ZBTB8OS: variants seen among roughly 807,000 people sequenced by gnomAD.
ZBTB8OS encodes tRNA-splicing ligase-activating factor archease.
In ZBTB8OS, 16 loss-of-function variants were observed where a neutral mutation model predicts 29.3. The observed-to-expected ratio is 0.55, with a 90% confidence interval of 0.37 to 0.83. ZBTB8OS has a LOEUF of 0.83. ZBTB8OS is among the 40% of genes least tolerant of loss of function. The probability of loss-of-function intolerance (pLI) is 0.00; values close to 1 mark genes in which losing one functional copy is unlikely to be tolerated. For synonymous variants in ZBTB8OS, 70 were observed against 64.6 expected (o/e 1.08, Z -0.40); for missense variants, 160 against 196.9 (o/e 0.81, Z 1.12).
chr1:32,624,851 A>G (rs704882), intron 6 of ZBTB8OS, among the ~76,000 whole-genome samples: 25,241 of 149,246 alleles, frequency 0.17, 4,421 homozygotes, highest in African/African-American at 0.44. Flanking sequence ...CTGAGATTAC[A>G]CCACTGCACT....
intron 6 of ZBTB8OS, among the ~76,000 whole-genome samples, chr1:32,626,979 C>A (rs923462167): frequency 6.6e-6 from 1 of 152,170 alleles, no homozygotes; most frequent in Non-Finnish European, 1.5e-5. Context: ...TGAACTCATT[C>A]ATTTAAGTAT....
intron 4 of ZBTB8OS, among the ~76,000 whole-genome samples, chr1:32,632,966 G>A (rs907183077): frequency 2.0e-5 from 3 of 152,194 alleles, no homozygotes; most frequent in Non-Finnish European, 2.9e-5. Flanking sequence ...TATAAGTAGT[G>A]AAGCTGGTAA....
In ZBTB8OS at chr1:32,631,866, A is replaced by G. The variant is rs1392061275; in HGVS notation, c.341T>C (p.Leu114Pro). The G allele has an allele frequency of 6.3e-7, 1 of 1,588,784 alleles. No homozygotes were observed. The highest frequency in any genetic ancestry group is 1.2e-5 in the South Asian group (1 of 86,166). ...EFFIPREVKV[L>P]SIDQRNFKLR... ...TTTGAAATTTCTTTGATCAATGCTA[A>G]GTACTTTCACTTCCTAGACAGGAAG... is the stretch of plus-strand genomic sequence containing the variant. Residue 114 changes from leucine (L) to proline (P), a missense_variant, in exon 5 of 7, where the codon CTT becomes CCT. Coordinates refer to ENST00000468695, the MANE Select transcript of ZBTB8OS (RefSeq NM_178547.5).
At chr1:32,632,284 C>T (rs965828271) in intron 4 of ZBTB8OS, 9 of 153,498 alleles carry the variant, frequency 5.9e-5, no homozygotes, top group African/African-American at 9.6e-5. Context: ...GCTGGGATTA[C>T]AGGCGTAAGC....
chr1:32,630,801 C>T (rs1311039679), intron 5 of ZBTB8OS, among the ~76,000 whole-genome samples: 1 of 151,172 alleles, frequency 6.6e-6, no homozygotes, highest in Non-Finnish European at 1.5e-5. Context: ...CACCTGAGGT[C>T]AGGAGCTTCA....
chr1:32,635,855 C>G (rs1017817074), intron 1 of ZBTB8OS, among the ~76,000 whole-genome samples: 1 of 152,104 alleles, frequency 6.6e-6, no homozygotes, highest in African/African-American at 2.4e-5. Context: ...AGCCCTTTCC[C>G]GAAAAGACCC....
chr1:32,649,448 C>T (rs1358890568), intron 1 of ZBTB8OS, among the ~76,000 whole-genome samples: 1 of 151,934 alleles, frequency 6.6e-6, no homozygotes, highest in Non-Finnish European at 1.5e-5. Context: ...CTCCCCAAAC[C>T]ACAGCTACCT....
rs150001490 is a variant in ZBTB8OS, at chr1:32,634,915, C to T, written c.98-123G>A. The T allele has an allele frequency of 4.3e-5, 33 of 771,174 alleles. No homozygotes were observed. The African/African-American group carries it at 5.3e-4, about 12-fold the overall frequency. 47.8% of individuals were successfully genotyped at this position (771,174 alleles called of 1,614,324 possible). Reference sequence around the variant, plus strand: ...CTTTAAAGAGCAAGAAAATGTGGGCCAGTCCATCCACACCTTTTGCTATCT... The same window carrying T: ...CTTTAAAGAGCAAGAAAATGTGGGCTAGTCCATCCACACCTTTTGCTATCT... On this transcript the variant is annotated intron_variant, in intron 1 of 6. Coordinates refer to ENST00000468695, the MANE Select transcript of ZBTB8OS (RefSeq NM_178547.5).
rs573565220 is a variant in ZBTB8OS at position 32,634,165 on chromosome 1, A to C, written c.123-93T>G. ...AAGTCAAAATAAATTCAGTATGATA[A>C]ATACAAATTTTAAGGCCTCAATCAA... On this transcript the variant is annotated intron_variant, in intron 2 of 6. Transcript: ENST00000468695. 1.5e-5 allele frequency: 18 copies of C among 1,208,868 alleles called. No homozygotes were observed. In the South Asian group the frequency reaches 4.6e-4, roughly 31 times the overall value. 74.9% of individuals were successfully genotyped at this position (1,208,868 alleles called of 1,614,324 possible).
intron 1 of ZBTB8OS, among the ~76,000 whole-genome samples, chr1:32,637,077 T>C (rs1646024491): frequency 6.6e-6 from 1 of 152,052 alleles, no homozygotes; most frequent in Non-Finnish European, 1.5e-5. Context: ...ATCAACTCTT[T>C]GTACTTTTTC....
At chr1:32,643,565 G>A (rs767490699) in intron 1 of ZBTB8OS, among the ~76,000 whole-genome samples, 7 of 149,342 alleles carry the variant, frequency 4.7e-5, no homozygotes, top group Non-Finnish European at 8.9e-5. Flanking sequence ...GCATGATCTC[G>A]GCTCACCACA....
intron 1 of ZBTB8OS, among the ~76,000 whole-genome samples, chr1:32,643,622 A>T (rs1646607220): frequency 6.6e-6 from 1 of 151,652 alleles, no homozygotes. Context: ...CAGCCTCCCG[A>T]GTAGCTACGA....
At chr1:32,632,657 G>A (rs564418397) in intron 4 of ZBTB8OS, among the ~76,000 whole-genome samples, 65 of 152,154 alleles carry the variant, frequency 4.3e-4, no homozygotes, top group African/African-American at 1.5e-3. Flanking sequence ...ATATTTCAAG[G>A]AAATAAGTTT....
chr1:32,647,266 C>A (rs1179446199), intron 1 of ZBTB8OS, among the ~76,000 whole-genome samples: 6 of 134,590 alleles, frequency 4.5e-5, no homozygotes, highest in East Asian at 2.2e-4. Context: ...TACTCTGTCT[C>A]AAAAAAAAAA....
chr1:32,642,503 CAA>C (rs956678582), intron 1 of ZBTB8OS, among the ~76,000 whole-genome samples: 1 of 111,054 alleles, frequency 9.0e-6, no homozygotes, highest in African/African-American at 3.4e-5. Flanking sequence ...GACTCTGTCT[CAA>C]AAAAAAAAAG....
intron 1 of ZBTB8OS, among the ~76,000 whole-genome samples, chr1:32,635,565 T>C (rs1366869508): frequency 6.6e-6 from 1 of 152,156 alleles, no homozygotes; most frequent in East Asian, 1.9e-4. Flanking sequence ...CGTGAGCCAC[T>C]GCGCCTGGCC....
intron 6 of ZBTB8OS, 137 bp downstream of exon 6, chr1:32,627,370 AT>A (rs1315368610): frequency 1.4e-6 from 1 of 728,504 alleles, no homozygotes; most frequent in Non-Finnish European, 2.3e-6. Flanking sequence ...AACAAAATAT[AT>A]CCAGACAGGT....
intron 1 of ZBTB8OS, among the ~76,000 whole-genome samples, chr1:32,637,139 A>G (rs1646030920): frequency 6.6e-6 from 1 of 152,100 alleles, no homozygotes; most frequent in Non-Finnish European, 1.5e-5. Context: ...TAAAATGCCC[A>G]GTCATCCCCA....
At chr1:32,650,601 C>A, upstream of ZBTB8OS, 1 of 1,612,988 alleles carries the variant, frequency 6.2e-7, no homozygotes, top group Non-Finnish European at 8.5e-7. Context: ...TACTTCCGCT[C>A]TAGACTCCGC....
Sources: allele counts gnomAD v4.1 joint callset (sites outside exome capture counted in the v4.1 genomes callset), GRCh38; gene constraint gnomAD v4.1.1; transcripts MANE v1.5; gene names NCBI Gene and HGNC (gene_info 2026-07-23, HGNC 2026-07-21).